EYS: variants seen among roughly 807,000 people sequenced by gnomAD.
The protein encoded by EYS is protein eyes shut homolog.
EYS carries 250 observed loss-of-function variants against 282.1 expected under a neutral mutation model. The observed-to-expected ratio is 0.89, with a 90% CI of 0.80 to 0.98. The LOEUF (loss-of-function observed/expected upper bound fraction) is 0.98. Ranked by LOEUF, EYS falls within the 50% of genes least tolerant of loss-of-function variation. The probability of loss-of-function intolerance (pLI) is 0.00; values close to 1 mark genes in which losing one functional copy is unlikely to be tolerated. For missense variants in EYS, 4,016 were observed against 3,709.0 expected, an observed-to-expected ratio of 1.08 and a Z score of -2.15; for synonymous variants, 1,355 against 1,282.9, an observed-to-expected ratio of 1.06 and a Z score of -1.20.
intron 40 of EYS, among the ~76,000 whole-genome samples, chr6:63,772,622 A>G (rs1769960954): frequency 6.6e-6 from 1 of 152,158 alleles, no homozygotes; most frequent in Non-Finnish European, 1.5e-5. Context: ...TTTTAAAATC[A>G]ATTGAACTAA....
intron 29 of EYS, among the ~76,000 whole-genome samples, chr6:64,354,695 G>A (rs1582643457): frequency 6.6e-6 from 1 of 151,436 alleles, no homozygotes; most frequent in Non-Finnish European, 1.5e-5. Context: ...GAAACTTTAA[G>A]AAATATGTGT....
chr6:65,228,556 T>A (rs1235948106), intron 12 of EYS, among the ~76,000 whole-genome samples: 1 of 152,078 alleles, frequency 6.6e-6, no homozygotes, highest in Non-Finnish European at 1.5e-5. Flanking sequence ...TAACAGCTTT[T>A]AATCATGGTG....
intron 26 of EYS, among the ~76,000 whole-genome samples, chr6:64,557,668 T>G (rs1466888504): frequency 6.6e-6 from 1 of 152,086 alleles, no homozygotes; most frequent in Non-Finnish European, 1.5e-5. Flanking sequence ...AACTATTAAC[T>G]TTATTACTAA....
chr6:65,581,149 C>T (rs958976276), intron 2 of EYS, among the ~76,000 whole-genome samples: 3 of 152,012 alleles, frequency 2.0e-5, no homozygotes, highest in Non-Finnish European at 4.4e-5. Context: ...TGTGGGACTT[C>T]TTTGCAACTT....
chr6:65,375,609 G>T (rs376617955), intron 8 of EYS, among the ~76,000 whole-genome samples: 3 of 151,736 alleles, frequency 2.0e-5, no homozygotes, highest in South Asian at 4.2e-4. Flanking sequence ...AGGAAGCAAT[G>T]CAAGGAAGCT....
intron 15 of EYS, among the ~76,000 whole-genome samples, chr6:64,928,283 T>A (rs1267120181): frequency 6.6e-6 from 1 of 152,092 alleles, no homozygotes; most frequent in African/African-American, 2.4e-5. Context: ...AATATCAAAT[T>A]TTGATTATCT....
At chr6:64,413,859 G>C (rs1467218756) in intron 28 of EYS, among the ~76,000 whole-genome samples, 1 of 152,150 alleles carries the variant, frequency 6.6e-6, no homozygotes, top group African/African-American at 2.4e-5. Context: ...TGACATGTTT[G>C]AGAGGTGGTT....
intron 26 of EYS, among the ~76,000 whole-genome samples, chr6:64,452,921 G>A (rs1582773069): frequency 6.6e-6 from 1 of 152,100 alleles, no homozygotes; most frequent in East Asian, 1.9e-4. Context: ...AGAAAACCTA[G>A]GCAATACCAT....
At chr6:64,167,257 T>C (rs549501222) in intron 31 of EYS, among the ~76,000 whole-genome samples, 80 of 152,352 alleles carry the variant, frequency 5.3e-4, no homozygotes, top group African/African-American at 1.9e-3. Flanking sequence ...ACCTATGATA[T>C]GAAATTAAAT....
chr6:65,168,177 G>A (rs1231179871), intron 12 of EYS, among the ~76,000 whole-genome samples: 3 of 151,158 alleles, frequency 2.0e-5, no homozygotes, highest in Admixed American at 6.6e-5. Flanking sequence ...TGGAAAGCAT[G>A]TGAGGCAGGG....
At chr6:64,520,707 A>C (rs1265615420) in intron 26 of EYS, among the ~76,000 whole-genome samples, 1 of 151,634 alleles carries the variant, frequency 6.6e-6, no homozygotes, top group Non-Finnish European at 1.5e-5. Flanking sequence ...ACATTTTAAA[A>C]TTTTTTTCCC....
chr6:65,245,528 C>T (rs565607241), intron 12 of EYS, among the ~76,000 whole-genome samples: 1 of 152,010 alleles, frequency 6.6e-6, no homozygotes, highest in African/African-American at 2.4e-5. Context: ...AAGGCTGCCA[C>T]CTCAGCTTAT....
intron 30 of EYS, among the ~76,000 whole-genome samples, chr6:64,248,265 T>C (rs550711943): frequency 8.7e-4 from 131 of 150,868 alleles, no homozygotes; most frequent in Admixed American, 2.6e-3. Flanking sequence ...GGGAGGCTTG[T>C]CAGCCATCAT....
At chr6:64,448,116 G>A (rs984845434) in intron 26 of EYS, among the ~76,000 whole-genome samples, 5 of 152,214 alleles carry the variant, frequency 3.3e-5, no homozygotes, top group African/African-American at 1.2e-4. Context: ...GTCAAAGAAA[G>A]GGGTGACAGA....
intron 7 of EYS, among the ~76,000 whole-genome samples, chr6:65,393,938 C>G (rs1000292414): frequency 6.6e-6 from 1 of 152,070 alleles, no homozygotes; most frequent in African/African-American, 2.4e-5. Flanking sequence ...GCTTAGAAAG[C>G]AAAATTCTCT....
intron 15 of EYS, among the ~76,000 whole-genome samples, chr6:64,933,716 A>C (rs1363441034): frequency 6.6e-6 from 1 of 152,186 alleles, no homozygotes; most frequent in Non-Finnish European, 1.5e-5. Flanking sequence ...CACAAAGCAA[A>C]GACTTGGAAC....
chr6:64,392,063 C>A (rs1773172123), intron 28 of EYS, among the ~76,000 whole-genome samples: 1 of 151,924 alleles, frequency 6.6e-6, no homozygotes, highest in South Asian at 2.1e-4. Context: ...ATCAATTCAA[C>A]AAGAAGAGCT....
chr6:64,660,347 C>A (rs1214957052), intron 22 of EYS, among the ~76,000 whole-genome samples: 2 of 151,866 alleles, frequency 1.3e-5, no homozygotes, highest in Non-Finnish European at 2.9e-5. Flanking sequence ...TGCCCTCTCT[C>A]ACCACTCCTA....
chr6:65,182,319 A>C (rs1156761778), intron 12 of EYS, among the ~76,000 whole-genome samples: 1 of 151,546 alleles, frequency 6.6e-6, no homozygotes, highest in Non-Finnish European at 1.5e-5. Flanking sequence ...TGAACACAAT[A>C]GGCTATTAAT....
Sources: gnomAD v4.1 joint callset for allele counts (sites outside exome capture counted in the v4.1 genomes callset) on GRCh38, gnomAD v4.1.1 for gene constraint, MANE v1.5 for transcripts, NCBI Gene and HGNC (gene_info 2026-07-23, HGNC 2026-07-21) for gene names.